NTM: variants seen among roughly 807,000 people sequenced by gnomAD.
NTM encodes the protein neurotrimin, also known as IgLON family member 2.
NTM carries 13 observed loss-of-function variants against 42.1 expected under a neutral mutation model. The observed-to-expected ratio is 0.31, with a 90% CI of 0.20 to 0.49. The LOEUF is 0.49. Among genes scored for constraint, NTM ranks in the 20% least tolerant of loss-of-function variants. The probability of loss-of-function intolerance (pLI) is 0.99; values close to 1 mark genes in which losing one functional copy is unlikely to be tolerated. For synonymous variants in NTM, 187 were observed against 179.2 expected (o/e 1.04, Z -0.35); for missense variants, 373 against 452.8 (o/e 0.82, Z 1.60).
At chr11:131,773,102 C>T (rs1298585263) in intron 1 of NTM, among the ~76,000 whole-genome samples, 3 of 152,166 alleles carry the variant, frequency 2.0e-5, no homozygotes, top group Non-Finnish European at 4.4e-5. Context: ...ATTCATTTCT[C>T]ATAGTTCTGG....
At chr11:132,201,764 G>A (rs747813014) in intron 3 of NTM, among the ~76,000 whole-genome samples, 1 of 152,236 alleles carries the variant, frequency 6.6e-6, no homozygotes. Context: ...TTCATTTGCA[G>A]AGTGATTAGT....
chr11:131,911,381 C>T, intron 1 of NTM, 183 bp from the exon 2 acceptor site: 5 of 1,572,712 alleles, frequency 3.2e-6, no homozygotes, highest in Non-Finnish European at 4.3e-6. Context: ...GTTCACCGCT[C>T]AGTCCCCGCG....
chr11:131,388,767 T>G (rs948115367), intron 1 of NTM, among the ~76,000 whole-genome samples: 1 of 151,498 alleles, frequency 6.6e-6, no homozygotes, highest in Non-Finnish European at 1.5e-5. Context: ...ATCCCAGCAC[T>G]TCGGGAGGTC....
At chr11:131,720,686 C>T (rs535522093) in intron 1 of NTM, among the ~76,000 whole-genome samples, 1 of 152,294 alleles carries the variant, frequency 6.6e-6, no homozygotes, top group Admixed American at 6.5e-5. Context: ...TACTGACTTC[C>T]ATTAGGCTAA....
chr11:132,174,075 CA>C (rs1175982374), intron 3 of NTM, among the ~76,000 whole-genome samples: 7 of 152,100 alleles, frequency 4.6e-5, no homozygotes, highest in African/African-American at 9.7e-5. Flanking sequence ...CGGAGGGAAG[CA>C]GTGGAAAAAG....
At chr11:131,635,932 A>G (rs531936160) in intron 1 of NTM, among the ~76,000 whole-genome samples, 2 of 152,276 alleles carry the variant, frequency 1.3e-5, no homozygotes, top group Admixed American at 6.5e-5. Flanking sequence ...TGTTACAATT[A>G]TCTGTAGTAT....
At chr11:131,475,545 A>G (rs149071772) in intron 1 of NTM, among the ~76,000 whole-genome samples, 73 of 152,246 alleles carry the variant, frequency 4.8e-4, no homozygotes, top group African/African-American at 1.7e-3. Context: ...GCTACATATC[A>G]CAGTCAACAT....
At chr11:131,579,033 G>T (rs563085976) in intron 1 of NTM, among the ~76,000 whole-genome samples, 3 of 152,344 alleles carry the variant, frequency 2.0e-5, no homozygotes, top group African/African-American at 7.2e-5. Flanking sequence ...CAAAAGAAAT[G>T]CAAGGTCTGA....
intron 2 of NTM, among the ~76,000 whole-genome samples, chr11:131,948,215 A>G (rs1593103113): frequency 6.6e-6 from 1 of 151,870 alleles, no homozygotes; most frequent in East Asian, 1.9e-4. Flanking sequence ...TAAAAAAAAA[A>G]TTAGCCAGGC....
intron 1 of NTM, among the ~76,000 whole-genome samples, chr11:131,501,164 G>C (rs1241516537): frequency 6.6e-6 from 1 of 152,092 alleles, no homozygotes; most frequent in Non-Finnish European, 1.5e-5. Flanking sequence ...TGCCTTCAAG[G>C]GGTTTGCATT....
chr11:132,058,982 G>A (rs1202006899), intron 2 of NTM, among the ~76,000 whole-genome samples: 1 of 152,224 alleles, frequency 6.6e-6, no homozygotes, highest in Admixed American at 6.5e-5. Flanking sequence ...TGTGCTGGTG[G>A]TATCAAGCGT....
At chr11:131,894,315 T>C (rs974825469) in intron 1 of NTM, among the ~76,000 whole-genome samples, 1 of 152,228 alleles carries the variant, frequency 6.6e-6, no homozygotes, top group Non-Finnish European at 1.5e-5. Flanking sequence ...CACCCATACA[T>C]GGGTCATCCC....
intron 4 of NTM, among the ~76,000 whole-genome samples, chr11:132,267,079 T>C (rs1352946442): frequency 6.6e-6 from 1 of 152,154 alleles, no homozygotes; most frequent in Non-Finnish European, 1.5e-5. Flanking sequence ...TGCTAGCACC[T>C]TGTAATAAGG....
Position 132,009,338 on chromosome 11 carries a change from G to A in NTM, c.167+97690G>A, listed in dbSNP as rs567957851. On this transcript the variant is annotated intron_variant, in intron 2 of 8. Coordinates refer to ENST00000683400, the MANE Select transcript of NTM (RefSeq NM_001352005.2). The stretch of plus-strand genomic sequence containing the variant: ...CTGGCTGTCTTTAAGCTGGGGGACA[G>A]TTTGAGATTGGAACAGCAAATTTCA... Among the ~76,000 whole-genome samples, 3 of 152,322 alleles carry A rather than the reference G, an allele frequency of 2.0e-5. No homozygotes were observed. In the South Asian group the frequency reaches 6.2e-4, roughly 32 times the overall value.
At chr11:131,800,743 G>A (rs1394657143) in intron 1 of NTM, among the ~76,000 whole-genome samples, 1 of 152,092 alleles carries the variant, frequency 6.6e-6, no homozygotes, top group African/African-American at 2.4e-5. Context: ...GTGCAATTTG[G>A]CCTTGCACAT....
At chr11:132,206,820 T>C (rs1269711330) in intron 3 of NTM, among the ~76,000 whole-genome samples, 1 of 152,242 alleles carries the variant, frequency 6.6e-6, no homozygotes, top group Admixed American at 6.5e-5. Flanking sequence ...AAGCCATCTC[T>C]GGAACTCTCT....
chr11:131,935,099 G>T (rs548738928), intron 2 of NTM, among the ~76,000 whole-genome samples: 1 of 152,310 alleles, frequency 6.6e-6, no homozygotes, highest in East Asian at 1.9e-4. Flanking sequence ...AGATAGGTTT[G>T]CTGGTGAAGC....
At chr11:132,287,683 G>T (rs565468728) in intron 4 of NTM, among the ~76,000 whole-genome samples, 3 of 152,256 alleles carry the variant, frequency 2.0e-5, no homozygotes, top group South Asian at 2.1e-4. Context: ...TCTGAAAAAT[G>T]GATTTAAACT....
chr11:132,017,182 A>AT (rs2073567600), intron 2 of NTM, among the ~76,000 whole-genome samples: 1 of 151,724 alleles, frequency 6.6e-6, no homozygotes, highest in African/African-American at 2.4e-5. Flanking sequence ...TTTTACAGAT[A>AT]TTTTTTACTT....
Sources: allele counts gnomAD v4.1 joint callset (sites outside exome capture counted in the v4.1 genomes callset), GRCh38; gene constraint gnomAD v4.1.1; transcripts MANE v1.5; gene names NCBI Gene and HGNC (gene_info 2026-07-23, HGNC 2026-07-21).